Variants in FGF14 observed in about 807,000 individuals in gnomAD.
The protein encoded by FGF14 is fibroblast growth factor 14, also known as fibroblast growth factor homologous factor 4.
In FGF14, 5 loss-of-function variants were observed where a neutral mutation model predicts 25.5. The ratio of observed to expected loss-of-function variants is 0.20; its 90% CI spans 0.10 to 0.41. FGF14 has a LOEUF of 0.41. Among genes scored for constraint, FGF14 ranks in the 10% least tolerant of loss-of-function variants. The probability of loss-of-function intolerance (pLI) is 1.00; values close to 1 mark genes in which losing one functional copy is unlikely to be tolerated. For missense variants in FGF14, 222 were observed against 320.1 expected (o/e 0.69, Z 2.34); for synonymous variants, 138 against 118.3 (o/e 1.17, Z -1.08).
At chr13:101,935,435 A>T (rs1183473241) in intron 1 of FGF14, among the ~76,000 whole-genome samples, 1 of 152,198 alleles carries the variant, frequency 6.6e-6, no homozygotes, top group African/African-American at 2.4e-5. Context: ...TGCAGTTCCC[A>T]TAATCCCCTG....
chr13:101,863,379 G>T (rs1287393205), intron 3 of FGF14, among the ~76,000 whole-genome samples: 1 of 152,148 alleles, frequency 6.6e-6, no homozygotes, highest in African/African-American at 2.4e-5. Context: ...TGCAATGGAT[G>T]TTGATGGCCA....
At chr13:101,923,848 A>T (rs1364771674) in intron 1 of FGF14, among the ~76,000 whole-genome samples, 1 of 152,126 alleles carries the variant, frequency 6.6e-6, no homozygotes, top group Non-Finnish European at 1.5e-5. Context: ...AAACTTGTGA[A>T]CATTCTTTCC....
At chr13:102,305,689 T>C (rs1057179931) in intron 1 of FGF14, among the ~76,000 whole-genome samples, 1 of 152,188 alleles carries the variant, frequency 6.6e-6, no homozygotes, top group Non-Finnish European at 1.5e-5. Flanking sequence ...TTCTTCTTCC[T>C]GATTTATGAC....
intron 3 of FGF14, among the ~76,000 whole-genome samples, chr13:101,810,040 G>A (rs1443919368): frequency 6.6e-6 from 1 of 152,124 alleles, no homozygotes; most frequent in Non-Finnish European, 1.5e-5. Flanking sequence ...CAGATTAGTA[G>A]CTTTTAGTCA....
At chr13:102,315,961 G>A (rs764543000) in intron 1 of FGF14, among the ~76,000 whole-genome samples, 1 of 152,114 alleles carries the variant, frequency 6.6e-6, no homozygotes, top group Non-Finnish European at 1.5e-5. Flanking sequence ...CAGAAACTAG[G>A]ACATGACTAC....
chr13:101,893,627 T>C (rs567194205), intron 1 of FGF14, among the ~76,000 whole-genome samples: 122 of 152,136 alleles, frequency 8.0e-4, no homozygotes, highest in African/African-American at 2.8e-3. Flanking sequence ...ATCAGAAAAA[T>C]GCAACATTGT....
At chr13:102,285,522 C>G (rs2054053349) in intron 1 of FGF14, among the ~76,000 whole-genome samples, 1 of 152,168 alleles carries the variant, frequency 6.6e-6, no homozygotes, top group Non-Finnish European at 1.5e-5. Flanking sequence ...CAATCTCTGC[C>G]CTGAATTCTT....
intron 1 of FGF14, among the ~76,000 whole-genome samples, chr13:102,154,132 C>A (rs183901972): frequency 1.2e-4 from 18 of 152,190 alleles, no homozygotes; most frequent in African/African-American, 4.3e-4. Flanking sequence ...TCTAGCAAGG[C>A]AGGCCAACAT....
chr13:102,349,425 A>G (rs1482225417), intron 1 of FGF14, among the ~76,000 whole-genome samples: 3 of 152,220 alleles, frequency 2.0e-5, no homozygotes, highest in Non-Finnish European at 2.9e-5. Flanking sequence ...CTCCATGTCA[A>G]TGATGAATAT....
At chr13:102,329,671 G>A (rs2056573746) in intron 1 of FGF14, among the ~76,000 whole-genome samples, 1 of 152,014 alleles carries the variant, frequency 6.6e-6, no homozygotes, top group Non-Finnish European at 1.5e-5. Flanking sequence ...AACTTCAGCT[G>A]CTCAGACCTG....
chr13:102,194,690 T>G (rs2049273280), intron 1 of FGF14, among the ~76,000 whole-genome samples: 1 of 152,076 alleles, frequency 6.6e-6, no homozygotes, highest in Admixed American at 6.6e-5. Flanking sequence ...AGAAAAAATA[T>G]TTGAGGAAAC....
chr13:101,892,966 CAGTGG>C (rs2029979043), intron 1 of FGF14, among the ~76,000 whole-genome samples: 1 of 152,110 alleles, frequency 6.6e-6, no homozygotes, highest in Non-Finnish European at 1.5e-5. Flanking sequence ...TTAAAGCAGG[CAGTGG>C]CAAGATCATA....
chr13:102,211,747 G>A (rs2140923325), intron 1 of FGF14, among the ~76,000 whole-genome samples: 1 of 152,242 alleles, frequency 6.6e-6, no homozygotes, highest in South Asian at 2.1e-4. Context: ...CTCAAAAAGA[G>A]TTCAAGATCA....
intron 1 of FGF14, among the ~76,000 whole-genome samples, chr13:102,020,815 A>G (rs1040591326): frequency 1.3e-5 from 2 of 152,054 alleles, no homozygotes; most frequent in African/African-American, 4.8e-5. Flanking sequence ...CCTGACAAAT[A>G]CAATGTGTAC....
chr13:102,314,306 C>T (rs1307087963), intron 1 of FGF14, among the ~76,000 whole-genome samples: 4 of 152,142 alleles, frequency 2.6e-5, no homozygotes, highest in South Asian at 4.1e-4. Flanking sequence ...CTCTCTCCAC[C>T]GATGGCCCCA....
chr13:102,310,687 G>C (rs28529395), intron 1 of FGF14, among the ~76,000 whole-genome samples: 77 of 7,656 alleles, frequency 0.01, 1 homozygote, highest in South Asian at 0.021. Context: ...CTCTCTCTCT[G>C]TGTGTGTGTG....
At chr13:102,359,359 A>T (rs1399326575) in intron 1 of FGF14, among the ~76,000 whole-genome samples, 1 of 152,210 alleles carries the variant, frequency 6.6e-6, no homozygotes. Flanking sequence ...TGCTTCACAT[A>T]CAACAGACAA....
chr13:101,986,119 T>C lies in FGF14; in HGVS notation c.209-110823A>G, dbSNP rs1005684417. Among the ~76,000 whole-genome samples, 13 of 152,282 alleles carry C rather than the reference T, an allele frequency of 8.5e-5. No individual in the cohort carries two copies. The South Asian group carries it at 2.3e-3, about 27-fold the overall frequency. ...CTTATTTGTTTGTTTTAATGTCAAGTTGACTATTATTTAGGTCTATTATAA... is the reference window on the plus strand; with the variant it reads ...CTTATTTGTTTGTTTTAATGTCAAGCTGACTATTATTTAGGTCTATTATAA... On this transcript the variant is annotated intron_variant, in intron 1 of 4. Transcript: ENST00000376131.
At chr13:101,914,056 T>G (rs1266503308) in intron 1 of FGF14, among the ~76,000 whole-genome samples, 2 of 152,062 alleles carry the variant, frequency 1.3e-5, no homozygotes, top group African/African-American at 4.8e-5. Flanking sequence ...TAAAGACATA[T>G]AAAACCATCA....
Sources: allele counts gnomAD v4.1 joint callset (sites outside exome capture counted in the v4.1 genomes callset), GRCh38; gene constraint gnomAD v4.1.1; transcripts MANE v1.5; gene names NCBI Gene and HGNC (gene_info 2026-07-23, HGNC 2026-07-21).